The following HTR6 variants were observed in gnomAD, a reference collection of about 807,000 sequenced individuals.
HTR6 encodes 5-hydroxytryptamine receptor 6, also known as 5-hydroxytryptamine (serotonin) receptor 6, G protein-coupled.
A neutral mutation model predicts 17.4 loss-of-function variants in HTR6; 15 were observed. The observed-to-expected ratio is 0.86, with a 90% CI of 0.58 to 1.33. The LOEUF is 1.33. Among genes scored for constraint, HTR6 ranks in the 40% most tolerant of loss-of-function variants. HTR6 has a pLI of 0.00. For synonymous variants in HTR6, 326 were observed against 295.5 expected (o/e 1.10, Z -1.06); for missense variants, 578 against 616.0 (o/e 0.94, Z 0.65).
chr1:19,669,229 C>T (rs1361061106), intron 1 of HTR6, among the ~76,000 whole-genome samples: 1 of 152,148 alleles, frequency 6.6e-6, no homozygotes, highest in African/African-American at 2.4e-5. Flanking sequence ...ATTTTCTTTC[C>T]ATGAATCTCG....
rs1186780409 is a variant in HTR6, at chr1:19,665,985, G to A, written c.232G>A (p.Val78Met). The change falls in exon 1 of 3, where the codon GTG becomes ATG. Residue 78 changes from valine to methionine, a missense_variant. Coordinates refer to ENST00000289753, the MANE Select transcript of HTR6 (RefSeq NM_000871.3). This position sits in a 1 kb window ranked among gnomAD's most constrained non-coding sequence, Gnocchi z 4.2. ...CACGTCTGACCTGATGGTGGGGCTG[G>A]TGGTGATGCCGCCGGCCATGCTGAA... Reference protein sequence around the residue: ...LFTSDLMVGLVVMPPAMLNAL... With the variant: ...LFTSDLMVGLMVMPPAMLNAL... 3 of 1,613,944 alleles carry A rather than the reference G, an allele frequency of 1.9e-6. No homozygotes were observed. The highest frequency in any genetic ancestry group is 1.1e-5 in the South Asian group (1 of 91,088).
chr1:19,668,034 TG>T (rs1405623231), intron 1 of HTR6, among the ~76,000 whole-genome samples: 1 of 152,166 alleles, frequency 6.6e-6, no homozygotes, highest in Non-Finnish European at 1.5e-5. Flanking sequence ...CCCACCCAGG[TG>T]GGTGAGGCCC....
chr1:19,676,168 G>A (rs1346643042), intron 1 of HTR6, among the ~76,000 whole-genome samples: 1 of 152,150 alleles, frequency 6.6e-6, no homozygotes, highest in African/African-American at 2.4e-5. Flanking sequence ...ATGGCTACCA[G>A]GTATTTAGCA....
At position 19,678,591 on chromosome 1, in the gene HTR6, G is replaced by A. The variant is rs1570587330; in HGVS notation, c.739G>A (p.Val247Met). The part of the protein sequence containing the change: ...LQVPRTPRPG[V>M]ESADSRRLAT... ...GGTGCCCAGGACCCCACGCCCAGGGGTGGAGTCTGCTGACAGCAGGCGTCT... is the reference window on the plus strand; with the variant it reads ...GGTGCCCAGGACCCCACGCCCAGGGATGGAGTCTGCTGACAGCAGGCGTCT... Residue 247 changes from valine to methionine, a missense_variant, in exon 2 of 3, where the codon GTG becomes ATG. Transcript: ENST00000289753. 7 of 1,612,770 alleles carry A rather than the reference G, an allele frequency of 4.3e-6. No individual in the cohort carries two copies. Among genetic ancestry groups the A allele is most frequent in the East Asian group, 4.5e-5 (2 of 44,868 alleles).
Position 19,679,297 on chromosome 1 carries a change from G to A in HTR6, c.1252G>A (p.Val418Ile), listed in dbSNP as rs201820273. Residue 418 changes from valine (V) to isoleucine (I), a missense_variant, in exon 3 of 3, where the codon GTC becomes ATC. By Grantham distance (29) the Val-to-Ile change is conservative. Transcript: ENST00000289753. This position sits in a 1 kb window ranked among gnomAD's most constrained non-coding sequence, Gnocchi z 4.9. ...GCTGCCCACCAGGGCCGCTGCCGCC[G>A]TCAATTTCTTCAACATCGACCCCGC... is the stretch of plus-strand genomic sequence containing the variant. ...PPLPTRAAAA[V>I]NFFNIDPAEP... 65 of 1,608,216 alleles carry A rather than the reference G, an allele frequency of 4.0e-5. 1 individual carries two copies. Among genetic ancestry groups the A allele is most frequent in the South Asian group, 3.5e-4 (32 of 90,610 alleles).
Position 19,666,286 on chromosome 1 carries a change from G to T in HTR6, c.533G>T (p.Gly178Val). ...GGCCACGCACGGCCACCCGTCCCTG[G>T]CCAGTGCCGCCTGCTGGCCAGCCTG... ...ELGHARPPVP[G>V]QCRLLASLPF... Residue 178 changes from glycine to valine, a missense_variant, in exon 1 of 3, where the codon GGC becomes GTC. Coordinates refer to ENST00000289753, the MANE Select transcript of HTR6 (RefSeq NM_000871.3). This position sits in a 1 kb window ranked among gnomAD's most constrained non-coding sequence, Gnocchi z 4.5. 6.2e-7 allele frequency: 1 copy of T among 1,612,090 alleles called. No homozygotes were observed. Among genetic ancestry groups the T allele is most frequent in the Non-Finnish European group, 8.5e-7 (1 of 1,179,898 alleles).
intron 1 of HTR6, among the ~76,000 whole-genome samples, chr1:19,674,521 C>T (rs2095091987): frequency 6.6e-6 from 1 of 151,810 alleles, no homozygotes; most frequent in Admixed American, 6.6e-5. Flanking sequence ...ATTCTCCTGC[C>T]TCAGCCTCCT....
chr1:19,678,977 G>C lies in HTR6; in HGVS notation c.932G>C (p.Cys311Ser), dbSNP rs2095097946. The C allele has an allele frequency of 1.4e-5, 23 of 1,614,148 alleles. No individual in the cohort carries two copies. The highest frequency in any genetic ancestry group is 1.9e-5 in the Non-Finnish European group (22 of 1,179,990). ...GATGTCCTCACATGGCTGGGTTACT[G>C]TAACAGCACCATGAACCCCATCATC... ...LFDVLTWLGY[C>S]NSTMNPIIYP... Residue 311 changes from cysteine to serine, a missense_variant, in exon 3 of 3, where the codon TGT (cysteine) becomes TCT (serine). Coordinates refer to ENST00000289753, the MANE Select transcript of HTR6 (RefSeq NM_000871.3).
Position 19,680,862 on chromosome 1 carries a change from C to A in HTR6, c.*1494C>A, listed in dbSNP as rs936834908. 6.6e-6 allele frequency among the ~76,000 whole-genome samples: 1 copy of A among 152,200 alleles called. No individual in the cohort carries two copies. The highest frequency in any genetic ancestry group is 1.5e-5 in the Non-Finnish European group (1 of 68,034). On this transcript the variant is annotated 3_prime_UTR_variant, in exon 3 of 3. Transcript: ENST00000289753. ...TCTCCTTGGTGCTGATGAGACACAA[C>A]TCTGGCCCCGGCGGCTGGCCTCTGA...
In HTR6 at chr1:19,677,702, G is replaced by T. The variant is rs183060589; in HGVS notation, c.715-865G>T. Among the ~76,000 whole-genome samples, 510 of 152,272 alleles carry T rather than the reference G, an allele frequency of 3.3e-3. 4 individuals carry two copies. The highest frequency in any genetic ancestry group is 4.0e-3 in the Non-Finnish European group (273 of 68,024). On this transcript the variant is annotated intron_variant, in intron 1 of 2. Coordinates refer to ENST00000289753, the MANE Select transcript of HTR6 (RefSeq NM_000871.3). ...ATTGCCAAGCTCTGGACAGTAACAG[G>T]TCCTCTTTTTCAAGTACTGTTCAAT...
In HTR6 at chr1:19,666,209, C is replaced by A. The variant is rs757957479; in HGVS notation, c.456C>A (p.Ser152Arg). 1.2e-6 allele frequency: 2 copies of A among 1,609,312 alleles called. No homozygotes were observed. Among genetic ancestry groups the A allele is most frequent in the East Asian group, 2.2e-5 (1 of 44,874 alleles). ...RALALVLGAW[S>R]LAALASFLPL... ...TGGCCCTAGTCCTGGGCGCCTGGAG[C>A]CTCGCCGCTCTCGCCTCCTTCCTGC... Residue 152 changes from serine to arginine, a missense_variant, in exon 1 of 3, where the codon AGC becomes AGA. Coordinates refer to ENST00000289753, the MANE Select transcript of HTR6 (RefSeq NM_000871.3). This position sits in a 1 kb window ranked among gnomAD's most constrained non-coding sequence, Gnocchi z 4.5.
chr1:19,670,687 A>C (rs12691495), intron 1 of HTR6, among the ~76,000 whole-genome samples: 33,738 of 151,572 alleles, frequency 0.22, 4,418 homozygotes, highest in African/African-American at 0.36. Context: ...TGGTCTTGAA[A>C]CCCTGAGCTC....
rs767486874 is a variant in HTR6 at position 19,679,171 on chromosome 1, C to T, written c.1126C>T (p.Pro376Ser). ...GCAGGTGCTGCCGCTGCCCCTGCCG[C>T]CGGACTCAGATTCGGACTCAGACGC... ...LQQVLPLPLPPDSDSDSDAGS... is the reference protein window; with the variant it reads ...LQQVLPLPLPSDSDSDSDAGS... Residue 376 changes from proline to serine, a missense_variant, in exon 3 of 3, where the codon CCG (proline) becomes TCG (serine). Transcript: ENST00000289753. The surrounding 1 kb of genome is among the most constrained non-coding windows in gnomAD (Gnocchi z 4.9). 2 of 1,593,652 alleles carry T rather than the reference C, an allele frequency of 1.3e-6. No individual in the cohort carries two copies. Among genetic ancestry groups the T allele is most frequent in the African/African-American group, 2.7e-5 (2 of 74,374 alleles).
At position 19,665,379 on chromosome 1, in the gene HTR6, C is replaced by T. The variant is rs2095079940; in HGVS notation, c.-375C>T. 1 of 191,996 alleles carries T rather than the reference C, an allele frequency of 5.2e-6. No homozygotes were observed. The allele number at this position is 191,996 out of a possible 1,614,324, so 11.9% of individuals were successfully genotyped here. On this transcript the variant is annotated 5_prime_UTR_variant, in exon 1 of 3. Coordinates refer to ENST00000289753, the MANE Select transcript of HTR6 (RefSeq NM_000871.3). This position sits in a 1 kb window ranked among gnomAD's most constrained non-coding sequence, Gnocchi z 4.2. ...GCCGGACGCCCCTCCCCTATCTTGCCGCCCGCCCCCTCCAGGGGGCTCTGC... is the reference window on the plus strand; with the variant it reads ...GCCGGACGCCCCTCCCCTATCTTGCTGCCCGCCCCCTCCAGGGGGCTCTGC...
Position 19,665,443 on chromosome 1 carries a change from C to T in HTR6, c.-311C>T, listed in dbSNP as rs1024405372. 1 of 302,796 alleles carries T rather than the reference C, an allele frequency of 3.3e-6. No homozygotes were observed. Among genetic ancestry groups the T allele is most frequent in the African/African-American group, 2.2e-5 (1 of 45,812 alleles). 18.8% of individuals were successfully genotyped at this position (302,796 alleles called of 1,614,324 possible). A position where few individuals can be genotyped will look rare whatever the true frequency, so the allele number is the denominator to read the frequency against. On this transcript the variant is annotated 5_prime_UTR_variant, in exon 1 of 3. Coordinates refer to ENST00000289753, the MANE Select transcript of HTR6 (RefSeq NM_000871.3). The surrounding 1 kb of genome is among the most constrained non-coding windows in gnomAD (Gnocchi z 4.2). ...AGCCCATCCGACCTCTGCTTGACTT[C>T]CCGCCGCTTCCTTCAGGGGCCTCGG...
rs748157607 is a variant in HTR6 at position 19,679,122 on chromosome 1, C to T, written c.1077C>T (p.Gly359=). 12 of 1,611,696 alleles carry T rather than the reference C, an allele frequency of 7.4e-6. No homozygotes were observed. In the African/African-American group the frequency reaches 1.2e-4, roughly 16 times the overall value. ...CATCACTGCGCACCTCTCACAGCGG[C>T]CCCCGGCCCGGCCTTAGCCTACAGC... ...ASPSLRTSHS[G]PRPGLSLQQV... The change falls in exon 3 of 3, where the codon GGC becomes GGT. Residue 359 remains glycine, a synonymous_variant. Transcript: ENST00000289753. This position sits in a 1 kb window ranked among gnomAD's most constrained non-coding sequence, Gnocchi z 4.9.
intron 1 of HTR6, among the ~76,000 whole-genome samples, chr1:19,670,743 C>T (rs900748076): frequency 6.6e-6 from 1 of 152,144 alleles, no homozygotes; most frequent in African/African-American, 2.4e-5. Flanking sequence ...GGATTACAGG[C>T]GTGAGCTACC....
intron 1 of HTR6, among the ~76,000 whole-genome samples, chr1:19,674,892 C>T (rs2095092399): frequency 6.6e-6 from 1 of 152,244 alleles, no homozygotes; most frequent in Non-Finnish European, 1.5e-5. Flanking sequence ...TGCCCTCTGA[C>T]ACTGATACAG....
chr1:19,668,129 C>A (rs1260245758), intron 1 of HTR6, among the ~76,000 whole-genome samples: 1 of 152,248 alleles, frequency 6.6e-6, no homozygotes, highest in Non-Finnish European at 1.5e-5. Flanking sequence ...CTCCTTCTCC[C>A]TATCCCTGCT....
Sources: gnomAD v4.1 joint callset for allele counts (sites outside exome capture counted in the v4.1 genomes callset) on GRCh38, gnomAD v4.1.1 for gene constraint, Gnocchi (gnomAD v3.1) non-coding constraint, MANE v1.5 for transcripts, NCBI Gene and HGNC (gene_info 2026-07-23, HGNC 2026-07-21) for gene names.